Variants in ENTPD4 observed in about 807,000 individuals in gnomAD.
The protein encoded by ENTPD4 is Golgi UDPase.
ENTPD4 carries 60 observed loss-of-function variants against 79.1 expected under a neutral mutation model. The ratio of observed to expected loss-of-function variants is 0.76; its 90% CI spans 0.62 to 0.94. The LOEUF (loss-of-function observed/expected upper bound fraction) is 0.94. ENTPD4 is among the 40% of genes least tolerant of loss of function. ENTPD4 has a pLI of 0.00. For synonymous variants in ENTPD4, 276 were observed against 292.0 expected (o/e 0.95, Z 0.56); for missense variants, 772 against 775.1 (o/e 1.00, Z 0.05).
At chr8:23,441,753 C>G (rs767310036) in intron 7 of ENTPD4, 30 bp from the exon 8 acceptor site, 12 of 1,609,398 alleles carry the variant, frequency 7.5e-6, no homozygotes, top group Non-Finnish European at 1.0e-5. Flanking sequence ...TTCACTGGAA[C>G]AGAACTAATC....
At position 23,433,237 on chromosome 8, in the gene ENTPD4, C is replaced by T. The variant is rs1345798967; in HGVS notation, c.1623-83G>A. On this transcript the variant is annotated intron_variant, in intron 12 of 12. Transcript: ENST00000358689. ...GGGTGCACAGGGGGACGGCGGGACCCAGGCCCCAGAGCTGCACTTTAGGAA... is the reference window on the plus strand; with the variant it reads ...GGGTGCACAGGGGGACGGCGGGACCTAGGCCCCAGAGCTGCACTTTAGGAA... The T allele has an allele frequency of 2.6e-5, 31 of 1,203,316 alleles. 1 individual carries two copies. The South Asian group carries it at 3.4e-4, about 13-fold the overall frequency. 74.5% of individuals were successfully genotyped at this position (1,203,316 alleles called of 1,614,324 possible). A position where few individuals can be genotyped will look rare whatever the true frequency, so the allele number is the denominator to read the frequency against.
intron 11 of ENTPD4, 28 bp from the exon 12 acceptor site, chr8:23,434,506 C>A (rs1800520504): frequency 8.7e-6 from 14 of 1,611,898 alleles, no homozygotes; most frequent in Admixed American, 1.7e-5. Flanking sequence ...AAAGGCAAGT[C>A]AGACTGACTC....
intron 6 of ENTPD4, among the ~76,000 whole-genome samples, chr8:23,443,169 G>GA (rs71548899): frequency 0.41 from 60,161 of 147,772 alleles, 13,480 homozygotes; most frequent in African/African-American, 0.62. Context: ...GCCCTAGCTG[G>GA]AAAAAAAAAA....
chr8:23,432,333 T>A lies in ENTPD4; in HGVS notation c.*593A>T, dbSNP rs1800469471. ...CCTCCCTCCAGTATCAAAGTGCATG[T>A]GTTTAAATTTAACATTCCTTAGAGA... On this transcript the variant is annotated 3_prime_UTR_variant, in exon 13 of 13. Coordinates refer to ENST00000358689, the MANE Select transcript of ENTPD4 (RefSeq NM_004901.5). 1.0e-6 allele frequency: 1 copy of A among 985,578 alleles called. No individual in the cohort carries two copies. The highest frequency in any genetic ancestry group is 1.7e-5 in the African/African-American group (1 of 57,356). 61.1% of individuals were successfully genotyped at this position (985,578 alleles called of 1,614,324 possible).
At chr8:23,443,825 T>C (rs1800714704) in intron 6 of ENTPD4, 25 bp downstream of exon 6, 2 of 1,467,094 alleles carry the variant, frequency 1.4e-6, no homozygotes, top group East Asian at 4.5e-5. Flanking sequence ...TTCCCAAATT[T>C]TAAACTGAAG....
intron 1 of ENTPD4, among the ~76,000 whole-genome samples, chr8:23,453,055 A>T (rs1563229388): frequency 6.6e-6 from 1 of 152,246 alleles, no homozygotes; most frequent in Non-Finnish European, 1.5e-5. Context: ...GGAGACACAA[A>T]GATGAATTAG....
rs775296119 is a variant in ENTPD4, at chr8:23,434,382, A to T, written c.1557T>A (p.Val519=). 1 of 1,614,184 alleles carries T rather than the reference A, an allele frequency of 6.2e-7. No homozygotes were observed. The highest frequency in any genetic ancestry group is 1.7e-5 in the Admixed American group (1 of 60,026). The stretch of plus-strand genomic sequence containing the variant: ...GGGTCCACTGAACCTCCTTGTCGTA[A>T]ACTTGCAAGGCAGTCTTTAAGCTTT... The part of the protein sequence containing the change: ...NYKSLKTALQ[V]YDKEVQWTLG... The change falls in exon 12 of 13, where the codon GTT becomes GTA. Residue 519 remains valine (V), a synonymous_variant. Transcript: ENST00000358689.
In ENTPD4 at chr8:23,430,189, CG is replaced by C. The variant is rs1456838683; in HGVS notation, c.*2736del. On this transcript the variant is annotated 3_prime_UTR_variant, in exon 13 of 13. Transcript: ENST00000358689. ...AAGCACCTGGCTGTCTTCACCTACG[CG>C]AGACCTTCTCTGGAATGTGATTTGC... 1.0e-6 allele frequency: 1 copy of C among 985,458 alleles called. No individual in the cohort carries two copies. The highest frequency in any genetic ancestry group is 1.2e-6 in the Non-Finnish European group (1 of 829,944). 61.0% of individuals were successfully genotyped at this position (985,458 alleles called of 1,614,324 possible). A position where few individuals can be genotyped will look rare whatever the true frequency, so the allele number is the denominator to read the frequency against.
chr8:23,448,733 A>T lies in ENTPD4; in HGVS notation c.206+9T>A. 6.2e-7 allele frequency: 1 copy of T among 1,611,796 alleles called. No individual in the cohort carries two copies. Among genetic ancestry groups the T allele is most frequent in the Non-Finnish European group, 8.5e-7 (1 of 1,178,138 alleles). On this transcript the variant is annotated intron_variant, in intron 3 of 12. Transcript: ENST00000358689. The stretch of plus-strand genomic sequence containing the variant: ...TCTGGTCTAGAAAGCAAATGTTTTT[A>T]TCTCTTACCTTTGAAATTTCTTGTC...
At chr8:23,448,338 G>A (rs1388677582) in intron 3 of ENTPD4, among the ~76,000 whole-genome samples, 7 of 152,136 alleles carry the variant, frequency 4.6e-5, no homozygotes, top group African/African-American at 1.2e-4. Flanking sequence ...AAAGCCAAAC[G>A]TCGTGAAGCC....
chr8:23,449,005 A>T, intron 2 of ENTPD4, 66 bp from the exon 3 acceptor site: 3 of 1,318,950 alleles, frequency 2.3e-6, no homozygotes, highest in Non-Finnish European at 3.2e-6. Flanking sequence ...ACCTAAAGTG[A>T]TCCTAAAATA....
chr8:23,452,674 C>T (rs1003533530), intron 1 of ENTPD4, among the ~76,000 whole-genome samples: 3 of 152,196 alleles, frequency 2.0e-5, no homozygotes, highest in Admixed American at 6.5e-5. Flanking sequence ...GTCTCATTCC[C>T]TGACAGACCC....
In ENTPD4 at chr8:23,447,753, A is replaced by G; in HGVS notation, c.339T>C (p.Asn113=). The G allele has an allele frequency of 1.2e-6, 2 of 1,614,160 alleles. No individual in the cohort carries two copies. Among genetic ancestry groups the G allele is most frequent in the Non-Finnish European group, 1.7e-6 (2 of 1,180,012 alleles). ...GCCTGATATCCAACAGATCATGTGG[A>G]TTGCCATTATGCCTTGGCCAGCAGT... ...FVYCWPRHNG[N]PHDLLDIRQM... Residue 113 remains asparagine (N), a synonymous_variant, in exon 4 of 13, where the codon AAT becomes AAC. Coordinates refer to ENST00000358689, the MANE Select transcript of ENTPD4 (RefSeq NM_004901.5).
intron 3 of ENTPD4, among the ~76,000 whole-genome samples, chr8:23,448,350 T>C (rs1027439981): frequency 2.0e-5 from 3 of 152,154 alleles, no homozygotes; most frequent in African/African-American, 7.2e-5. Flanking sequence ...CGTGAAGCCA[T>C]GAAATGATGG....
In ENTPD4 at chr8:23,431,882, G is replaced by GT; in HGVS notation, c.*1043dup. The GT allele has an allele frequency of 2.0e-6, 2 of 985,314 alleles. No homozygotes were observed. The highest frequency in any genetic ancestry group is 2.4e-6 in the Non-Finnish European group (2 of 829,888). 61.0% of individuals were successfully genotyped at this position (985,314 alleles called of 1,614,324 possible). A position where few individuals can be genotyped will look rare whatever the true frequency, so the allele number is the denominator to read the frequency against. ...GCCACTGAAATATGGAATAAGGAGC[G>GT]TAATTACCTGCGGTCAGGAAAAGAT... On this transcript the variant is annotated 3_prime_UTR_variant, in exon 13 of 13. Coordinates refer to ENST00000358689, the MANE Select transcript of ENTPD4 (RefSeq NM_004901.5).
intron 1 of ENTPD4, among the ~76,000 whole-genome samples, chr8:23,454,976 A>T (rs756801860): frequency 6.6e-6 from 1 of 152,188 alleles, no homozygotes; most frequent in Non-Finnish European, 1.5e-5. Context: ...TACCACATAA[A>T]ACTGACATGT....
At position 23,433,013 on chromosome 8, in the gene ENTPD4, GATGCGCCGCAGCCGC is replaced by G; in HGVS notation, c.1749_1763del (p.Arg584_Ile588del). On this transcript the variant is annotated inframe_deletion, in exon 13 of 13. Transcript: ENST00000358689. ...AGCTGCTCCGGGGAGTGCGCCTGTG[GATGCGCCGCAGCCGC>G]AGCAGGTACAGCAGGATGGCCAGCA... The G allele has an allele frequency of 6.2e-7, 1 of 1,614,046 alleles. No homozygotes were observed. Among genetic ancestry groups the G allele is most frequent in the Non-Finnish European group, 8.5e-7 (1 of 1,179,952 alleles).
chr8:23,449,880 G>A lies in ENTPD4; in HGVS notation c.8+13C>T, dbSNP rs368117321. 2 of 1,607,878 alleles carry A rather than the reference G, an allele frequency of 1.2e-6. No homozygotes were observed. The highest frequency in any genetic ancestry group is 2.7e-5 in the African/African-American group (2 of 74,754). ...AGATTTCATGTTTCATGGTGATTAG[G>A]CCCATCACTTACCTCCCCATACTGA... On this transcript the variant is annotated intron_variant, in intron 2 of 12. Transcript: ENST00000358689.
chr8:23,449,877 T>C lies in ENTPD4; in HGVS notation c.8+16A>G, dbSNP rs755411838. The C allele has an allele frequency of 1.2e-6, 2 of 1,607,878 alleles. No individual in the cohort carries two copies. Among genetic ancestry groups the C allele is most frequent in the Non-Finnish European group, 1.7e-6 (2 of 1,174,288 alleles). On this transcript the variant is annotated intron_variant, in intron 2 of 12. Transcript: ENST00000358689. ...CCAAGATTTCATGTTTCATGGTGAT[T>C]AGGCCCATCACTTACCTCCCCATAC...
Sources: allele counts gnomAD v4.1 joint callset (sites outside exome capture counted in the v4.1 genomes callset), GRCh38; gene constraint gnomAD v4.1.1; transcripts MANE v1.5; gene names NCBI Gene and HGNC (gene_info 2026-07-23, HGNC 2026-07-21).